Variants in DHRS4 observed in about 807,000 individuals in gnomAD.
DHRS4 encodes the protein dehydrogenase/reductase 4.
DHRS4 carries 20 observed loss-of-function variants against 28.4 expected under a neutral mutation model. The ratio of observed to expected loss-of-function variants is 0.71; its 90% CI spans 0.50 to 1.02. The LOEUF is 1.02. Ranked by LOEUF, DHRS4 falls within the 50% of genes least tolerant of loss-of-function variation. The pLI is 0.00. For synonymous variants in DHRS4, 144 were observed against 146.4 expected (o/e 0.98, Z 0.12); for missense variants, 378 against 367.2 (o/e 1.03, Z -0.24).
At chr14:23,966,998 A>G (rs1464887529) in intron 6 of DHRS4, among the ~76,000 whole-genome samples, 2 of 152,146 alleles carry the variant, frequency 1.3e-5, no homozygotes, top group Non-Finnish European at 2.9e-5. Context: ...TACTAAAAAT[A>G]CAAAAAATTA....
At chr14:23,956,127 T>C (rs1247229154) in intron 2 of DHRS4, among the ~76,000 whole-genome samples, 2 of 152,184 alleles carry the variant, frequency 1.3e-5, no homozygotes, top group Admixed American at 6.5e-5. Flanking sequence ...GTCTGGCAAA[T>C]GCTCAAATGT....
Position 23,969,049 on chromosome 14 carries a change from C to T in DHRS4, c.*178C>T, listed in dbSNP as rs558847870. The T allele has an allele frequency of 5.3e-6, 7 of 1,325,310 alleles. No individual in the cohort carries two copies. The highest frequency in any genetic ancestry group is 6.0e-5 in the Admixed American group (2 of 33,276). The allele number at this position is 1,325,310 out of a possible 1,614,324, so 82.1% of individuals were successfully genotyped here. A position where few individuals can be genotyped will look rare whatever the true frequency, so the allele number is the denominator to read the frequency against. On this transcript the variant is annotated 3_prime_UTR_variant, in exon 8 of 8. Transcript: ENST00000313250. The stretch of plus-strand genomic sequence containing the variant: ...CAAGGTGGCGTCTTACTCGGGATTT[C>T]TGCTGTTGTTGTGGCCTTGGGTAAA...
At chr14:23,962,644 T>G (rs2033461359) in intron 3 of DHRS4, among the ~76,000 whole-genome samples, 2 of 151,868 alleles carry the variant, frequency 1.3e-5, no homozygotes, top group South Asian at 4.2e-4. Context: ...GATGCAGTCT[T>G]GAACCCTTCC....
chr14:23,966,500 C>A (rs2033626463), intron 6 of DHRS4, 83 bp downstream of exon 6: 1 of 1,582,258 alleles, frequency 6.3e-7, no homozygotes, highest in Non-Finnish European at 8.6e-7. Context: ...CTACCTGAGT[C>A]CTGAGCTCTC....
At position 23,957,829 on chromosome 14, in the gene DHRS4, G is replaced by C. The variant is rs534069335; in HGVS notation, c.307-2073G>C. On this transcript the variant is annotated intron_variant, in intron 2 of 7. Coordinates refer to ENST00000313250, the MANE Select transcript of DHRS4 (RefSeq NM_021004.4). The stretch of plus-strand genomic sequence containing the variant: ...GCCTACCAAAGTGCTAGGATTATAG[G>C]TGTGAGCCACCACACCCAGCCTCAT... Among the ~76,000 whole-genome samples the C allele has an allele frequency of 4.0e-5, 6 of 149,590 alleles. No individual in the cohort carries two copies. In the East Asian group the frequency reaches 1.2e-3, roughly 30 times the overall value.
chr14:23,954,211 T>G (rs1338961299), intron 1 of DHRS4: 2 of 324,010 alleles, frequency 6.2e-6, no homozygotes, highest in African/African-American at 2.1e-5. Flanking sequence ...CAGCGCCACC[T>G]AGCGTCTGGG....
chr14:23,961,772 C>A (rs1308559609), intron 3 of DHRS4, among the ~76,000 whole-genome samples: 4 of 116,064 alleles, frequency 3.4e-5, no homozygotes, highest in Non-Finnish European at 5.0e-5. Flanking sequence ...CTCAGCCCCC[C>A]AAAATATTGG....
At chr14:23,953,997 C>T in intron 1 of DHRS4, 81 bp downstream of exon 1, 1 of 1,529,876 alleles carries the variant, frequency 6.5e-7, no homozygotes, top group Non-Finnish European at 8.8e-7. Context: ...CTCCGGTGCC[C>T]CTGTCCTCAG....
Position 23,965,804 on chromosome 14 carries a change from G to A in DHRS4, c.451G>A (p.Ala151Thr), listed in dbSNP as rs1325977434. The A allele has an allele frequency of 5.6e-6, 9 of 1,606,632 alleles. No homozygotes were observed. The highest frequency in any genetic ancestry group is 1.1e-5 in the South Asian group (1 of 90,432). The part of the protein sequence containing the change: ...NVKAPALMTK[A>T]VVPEMEKRGG... ...GAAGGCCCCAGCCCTGATGACAAAGGCAGTGGTGCCAGAAATGGAGAAACG... is the reference window on the plus strand; with the variant it reads ...GAAGGCCCCAGCCCTGATGACAAAGACAGTGGTGCCAGAAATGGAGAAACG... The change falls in exon 4 of 8, where the codon GCA becomes ACA. Residue 151 changes from alanine (A) to threonine (T), a missense_variant. Transcript: ENST00000313250.
intron 2 of DHRS4, 113 bp from the exon 3 acceptor site, chr14:23,959,789 G>A: frequency 7.6e-7 from 1 of 1,317,370 alleles, no homozygotes; most frequent in Non-Finnish European, 1.1e-6. Flanking sequence ...AAAGTGCCAT[G>A]ATTACAGGCA....
chr14:23,956,027 A>G (rs1248874448), intron 2 of DHRS4, among the ~76,000 whole-genome samples: 2 of 152,262 alleles, frequency 1.3e-5, no homozygotes, highest in African/African-American at 4.8e-5. Flanking sequence ...TGGCAGAAAT[A>G]ATTTGCATAA....
chr14:23,967,044 A>C (rs2033651546), intron 6 of DHRS4, among the ~76,000 whole-genome samples, 167 bp from the exon 7 acceptor site: 1 of 151,820 alleles, frequency 6.6e-6, no homozygotes, highest in Admixed American at 6.6e-5. Flanking sequence ...AATCCCAGCT[A>C]CTCGGGAGGC....
chr14:23,953,988 T>G, intron 1 of DHRS4, 72 bp downstream of exon 1: 1 of 1,537,756 alleles, frequency 6.5e-7, no homozygotes. Flanking sequence ...ATCCTCGGCC[T>G]CCGGTGCCCC....
chr14:23,958,163 A>C (rs1270910619), intron 2 of DHRS4, among the ~76,000 whole-genome samples: 9 of 152,004 alleles, frequency 5.9e-5, no homozygotes, highest in South Asian at 2.1e-4. Context: ...AGAAAGTATT[A>C]ATACTGGTTT....
rs377243302 is a variant in DHRS4 at position 23,963,020 on chromosome 14, T to C, written c.409-2742T>C. The stretch of plus-strand genomic sequence containing the variant: ...GAGCAGTAACAGTTTGAAAGGAATC[T>C]TTTTCTGAGCAGTAGCTATCAACGG... On this transcript the variant is annotated intron_variant, in intron 3 of 7. Transcript: ENST00000313250. 3.9e-4 allele frequency among the ~76,000 whole-genome samples: 50 copies of C among 127,486 alleles called. 2 individuals are homozygous for C. In the East Asian group the frequency reaches 7.5e-3, roughly 19 times the overall value. The allele number at this position is 127,486 out of a possible 152,430, so 83.6% of individuals were successfully genotyped here.
Position 23,968,916 on chromosome 14 carries a change from G to A in DHRS4, c.*45G>A, listed in dbSNP as rs1457915340. The A allele has an allele frequency of 1.9e-6, 3 of 1,605,166 alleles. No individual in the cohort carries two copies. Among genetic ancestry groups the A allele is most frequent in the South Asian group, 2.2e-5 (2 of 89,830 alleles). Reference sequence around the variant, plus strand: ...AGGCCAGAGTTGGGCTCTAGCTCCTGGTGCTGTTCCCGCATTCACCCACTG... The same window carrying A: ...AGGCCAGAGTTGGGCTCTAGCTCCTAGTGCTGTTCCCGCATTCACCCACTG... On this transcript the variant is annotated 3_prime_UTR_variant, in exon 8 of 8. Transcript: ENST00000313250.
Position 23,965,748 on chromosome 14 carries a change from T to C in DHRS4, c.409-14T>C, listed in dbSNP as rs1185252212. 6.3e-7 allele frequency: 1 copy of C among 1,591,982 alleles called. No individual in the cohort carries two copies. The highest frequency in any genetic ancestry group is 1.1e-5 in the South Asian group (1 of 89,766). On this transcript the variant is annotated splice_polypyrimidine_tract_variant and intron_variant, in intron 3 of 7. Transcript: ENST00000313250. ...CTTCACTCATGCTGTTTCCCCTTCT[T>C]CTCTTGGCTTCAGACTCTGGACATT...
chr14:23,963,530 A>G (rs2033497577), intron 3 of DHRS4, among the ~76,000 whole-genome samples: 1 of 148,888 alleles, frequency 6.7e-6, no homozygotes, highest in Admixed American at 6.7e-5. Context: ...CACCTCTCTC[A>G]GCCTTCAAAG....
chr14:23,961,082 A>G (rs1406573531), intron 3 of DHRS4, among the ~76,000 whole-genome samples: 1 of 151,832 alleles, frequency 6.6e-6, no homozygotes, highest in Non-Finnish European at 1.5e-5. Context: ...CTCATGACCC[A>G]AACACCTCAC....
Sources: gnomAD v4.1 joint callset for allele counts (sites outside exome capture counted in the v4.1 genomes callset) on GRCh38, gnomAD v4.1.1 for gene constraint, MANE v1.5 for transcripts, NCBI Gene and HGNC (gene_info 2026-07-23, HGNC 2026-07-21) for gene names.